Variants in LRRC8C observed in about 807,000 individuals in gnomAD.
LRRC8C encodes volume-regulated anion channel subunit LRRC8C.
A neutral mutation model predicts 55.3 loss-of-function variants in LRRC8C; 20 were observed. The observed-to-expected ratio is 0.36, with a 90% CI of 0.25 to 0.53. The LOEUF (loss-of-function observed/expected upper bound fraction) is 0.53. Ranked by LOEUF, LRRC8C falls within the 20% of genes least tolerant of loss-of-function variation. LRRC8C has a pLI of 0.92. For missense variants in LRRC8C, 659 were observed against 951.4 expected, an observed-to-expected ratio of 0.69 and a Z score of 4.04; for synonymous variants, 376 against 360.7, an observed-to-expected ratio of 1.04 and a Z score of -0.48.
In LRRC8C at chr1:89,715,014, G is replaced by T. The variant is rs753830137; in HGVS notation, c.*32G>T. 13 of 1,471,772 alleles carry T rather than the reference G, an allele frequency of 8.8e-6. No homozygotes were observed. Among genetic ancestry groups the T allele is most frequent in the Non-Finnish European group, 1.2e-5 (13 of 1,086,888 alleles). 91.2% of individuals were successfully genotyped at this position (1,471,772 alleles called of 1,614,324 possible). A position where few individuals can be genotyped will look rare whatever the true frequency, so the allele number is the denominator to read the frequency against. On this transcript the variant is annotated 3_prime_UTR_variant, in exon 3 of 3. Coordinates refer to ENST00000370454, the MANE Select transcript of LRRC8C (RefSeq NM_032270.5). The stretch of plus-strand genomic sequence containing the variant: ...TTTCGTTAAAGTTTGACTGAAACAC[G>T]CTTCTACCAAATACAGTATAAATAA...
chr1:89,683,285 C>G (rs1168326155), intron 1 of LRRC8C, among the ~76,000 whole-genome samples: 2 of 152,110 alleles, frequency 1.3e-5, no homozygotes, highest in African/African-American at 4.8e-5. Context: ...GTTACAAAAT[C>G]ATGCGTTACA....
At chr1:89,630,458 A>AC (rs1656077694), upstream of LRRC8C, among the ~76,000 whole-genome samples, 1 of 152,242 alleles carries the variant, frequency 6.6e-6, no homozygotes, top group Non-Finnish European at 1.5e-5. Context: ...GTACATGGTT[A>AC]ACTTGTAATT....
At chr1:89,680,202 C>G (rs541702434) in intron 1 of LRRC8C, among the ~76,000 whole-genome samples, 4 of 151,886 alleles carry the variant, frequency 2.6e-5, no homozygotes, top group Admixed American at 1.3e-4. Flanking sequence ...CTCAGCCTCC[C>G]GAGTAGCTGG....
At chr1:89,675,905 C>G (rs1302674007) in intron 1 of LRRC8C, among the ~76,000 whole-genome samples, 4 of 152,124 alleles carry the variant, frequency 2.6e-5, no homozygotes, top group African/African-American at 9.7e-5. Flanking sequence ...TATAGGTATA[C>G]TCAGAATAAT....
chr1:89,643,756 T>C (rs146072042), intron 1 of LRRC8C, among the ~76,000 whole-genome samples: 100 of 152,340 alleles, frequency 6.6e-4, no homozygotes, highest in African/African-American at 2.3e-3. Flanking sequence ...TTCATAGTGA[T>C]AGAATACTAG....
chr1:89,688,975 A>C (rs752947432), intron 2 of LRRC8C, among the ~76,000 whole-genome samples: 2 of 152,172 alleles, frequency 1.3e-5, no homozygotes, highest in Non-Finnish European at 2.9e-5. Flanking sequence ...TAAGTTCTGA[A>C]CCTACCTAAA....
At chr1:89,665,729 G>T (rs903065210) in intron 1 of LRRC8C, among the ~76,000 whole-genome samples, 1 of 152,058 alleles carries the variant, frequency 6.6e-6, no homozygotes, top group South Asian at 2.1e-4. Flanking sequence ...TGTAGCCTAG[G>T]TGTACAGTGT....
At chr1:89,633,614 C>T (rs1376820193) in intron 1 of LRRC8C, among the ~76,000 whole-genome samples, 3 of 151,958 alleles carry the variant, frequency 2.0e-5, no homozygotes, top group Non-Finnish European at 2.9e-5. Context: ...GCGGCAGGTC[C>T]TGCAGACTGG....
chr1:89,711,787 G>C (rs1403103870), intron 2 of LRRC8C, among the ~76,000 whole-genome samples: 1 of 152,214 alleles, frequency 6.6e-6, no homozygotes, highest in Non-Finnish European at 1.5e-5. Flanking sequence ...TATTTTGTGT[G>C]TAACGCTAGC....
chr1:89,640,532 A>C (rs993096909), intron 1 of LRRC8C, among the ~76,000 whole-genome samples: 1 of 152,356 alleles, frequency 6.6e-6, no homozygotes, highest in East Asian at 1.9e-4. Context: ...AGAAATTACT[A>C]TGAGAATGGC....
At chr1:89,652,386 A>T (rs553421263) in intron 1 of LRRC8C, among the ~76,000 whole-genome samples, 6 of 152,322 alleles carry the variant, frequency 3.9e-5, no homozygotes, top group African/African-American at 1.2e-4. Flanking sequence ...GAAAAGAGAT[A>T]AGAGTTTAAC....
intron 1 of LRRC8C, among the ~76,000 whole-genome samples, chr1:89,659,062 TGTGTGTGTGTGTGTGTGTGTG>T (rs1657039793): frequency 1.5e-5 from 1 of 66,908 alleles, no homozygotes; most frequent in Admixed American, 1.3e-4. Flanking sequence ...TTTTTTTTTT[TGTGTGTGTGTGTGTGTGTGTG>T]TGTGTGTGTG....
At chr1:89,665,063 T>C (rs1657221184) in intron 1 of LRRC8C, among the ~76,000 whole-genome samples, 1 of 152,248 alleles carries the variant, frequency 6.6e-6, no homozygotes, top group African/African-American at 2.4e-5. Flanking sequence ...TATACAATCA[T>C]GTCATCTGCA....
intron 1 of LRRC8C, among the ~76,000 whole-genome samples, chr1:89,675,409 G>C (rs1657524172): frequency 6.6e-6 from 1 of 152,216 alleles, no homozygotes; most frequent in Admixed American, 6.5e-5. Context: ...CAGAAAGAAA[G>C]CAGCATTCCC....
intron 2 of LRRC8C, among the ~76,000 whole-genome samples, chr1:89,697,906 C>T (rs1244674366): frequency 6.6e-6 from 1 of 152,104 alleles, no homozygotes; most frequent in Non-Finnish European, 1.5e-5. Flanking sequence ...GGCTGGAAAC[C>T]TTCAGTTTAA....
intron 2 of LRRC8C, among the ~76,000 whole-genome samples, chr1:89,705,470 AAAATAAAAT>A (rs1658454307): frequency 6.6e-6 from 1 of 151,828 alleles, no homozygotes; most frequent in African/African-American, 2.4e-5. Flanking sequence ...AAAATAAAAT[AAAATAAAAT>A]AAATAAATAA....
the LRRC8C span, among the ~76,000 whole-genome samples, chr1:89,623,871 CGTT>C: frequency 6.6e-6 from 1 of 152,162 alleles, no homozygotes. Context: ...AAAAGCTAGT[CGTT>C]GTAAAGAAAT....
chr1:89,631,472 A>G (rs1656106755), upstream of LRRC8C: 1 of 152,156 alleles, frequency 6.6e-6, no homozygotes, highest in Non-Finnish European at 1.5e-5. Flanking sequence ...GGCCCTCCAC[A>G]GGAGGGTTGT....
At chr1:89,641,959 G>A (rs148564990) in intron 1 of LRRC8C, among the ~76,000 whole-genome samples, 2,265 of 152,276 alleles carry the variant, frequency 0.015, 57 homozygotes, top group African/African-American at 0.053. Context: ...CAAGGCATTC[G>A]CTGCCATATG....
Sources: gnomAD v4.1 joint callset for allele counts (sites outside exome capture counted in the v4.1 genomes callset) on GRCh38, gnomAD v4.1.1 for gene constraint, MANE v1.5 for transcripts, NCBI Gene and HGNC (gene_info 2026-07-23, HGNC 2026-07-21) for gene names.